ATG7: variants seen among roughly 807,000 people sequenced by gnomAD.
The protein encoded by ATG7 is autophagy related 7, also known as ubiquitin-like modifier-activating enzyme ATG7.
ATG7 carries 70 observed loss-of-function variants against 82.4 expected under a neutral mutation model. That is an observed-to-expected ratio of 0.85 (90% CI 0.70 to 1.04). The LOEUF is 1.04. Ranked by LOEUF, ATG7 falls within the 50% of genes least tolerant of loss-of-function variation. ATG7 has a pLI of 0.00. For synonymous variants in ATG7, 287 were observed against 313.0 expected, an observed-to-expected ratio of 0.92 and a Z score of 0.88; for missense variants, 792 against 864.3, an observed-to-expected ratio of 0.92 and a Z score of 1.05.
At chr3:11,565,140 C>T in the ATG7 span, 7 of 1,024,286 alleles carry the variant, frequency 6.8e-6, no homozygotes, top group Non-Finnish European at 7.8e-6. The surrounding 1 kb of genome is among the most constrained non-coding windows in gnomAD (Gnocchi z 4.1). Flanking sequence ...GGTCGTGTGG[C>T]TGGGCAGCAC....
At chr3:11,568,793 C>A in the ATG7 span, 2 of 1,447,416 alleles carry the variant, frequency 1.4e-6, no homozygotes, top group Non-Finnish European at 1.8e-6. This position sits in a 1 kb window ranked among gnomAD's most constrained non-coding sequence, Gnocchi z 5.9. Flanking sequence ...GGACTGTGCC[C>A]GAGAGAGCCC....
intron 20 of ATG7, among the ~76,000 whole-genome samples, chr3:11,476,293 T>C (rs2088203088): frequency 6.6e-6 from 1 of 152,236 alleles, no homozygotes; most frequent in South Asian, 2.1e-4. Flanking sequence ...TCTGGCTACA[T>C]ATCAGTTTGT....
chr3:11,410,330 AT>A (rs371850503), intron 19 of ATG7, among the ~76,000 whole-genome samples: 1,547 of 151,496 alleles, frequency 0.01, 14 homozygotes, highest in South Asian at 0.024. Flanking sequence ...ATGATATTGT[AT>A]TTTTTTTTAA....
At chr3:11,353,325 G>A (rs1374522470) in intron 14 of ATG7, among the ~76,000 whole-genome samples, 2 of 152,026 alleles carry the variant, frequency 1.3e-5, no homozygotes, top group African/African-American at 4.8e-5. Flanking sequence ...TGCACCTGTA[G>A]TCCCAGCTAC....
chr3:11,502,947 G>A (rs1442747229), intron 20 of ATG7, among the ~76,000 whole-genome samples: 3 of 152,114 alleles, frequency 2.0e-5, no homozygotes, highest in Non-Finnish European at 1.5e-5. Context: ...CAGGCTTTTG[G>A]ATTAGGATAC....
chr3:11,382,293 GAGAGTGCGAGCA>G (rs1042974934), intron 19 of ATG7, among the ~76,000 whole-genome samples: 1 of 152,240 alleles, frequency 6.6e-6, no homozygotes, highest in African/African-American at 2.4e-5. Context: ...TATAGAGAGA[GAGAGTGCGAGCA>G]CGCACGCACG....
At chr3:11,466,060 C>T (rs185708001) in intron 20 of ATG7, among the ~76,000 whole-genome samples, 2 of 152,248 alleles carry the variant, frequency 1.3e-5, no homozygotes, top group African/African-American at 2.4e-5. Context: ...TTTCTGGCTC[C>T]GTTTTAGAAC....
intron 16 of ATG7, among the ~76,000 whole-genome samples, chr3:11,361,236 TAA>T (rs1164371399): frequency 6.6e-6 from 1 of 151,930 alleles, no homozygotes; most frequent in Non-Finnish European, 1.5e-5. Context: ...ATTTAGTAAG[TAA>T]AAATATAGGA....
At chr3:11,469,915 G>A (rs561084502) in intron 20 of ATG7, among the ~76,000 whole-genome samples, 9 of 151,116 alleles carry the variant, frequency 6.0e-5, no homozygotes, top group African/African-American at 2.2e-4. Flanking sequence ...TCTTGAACCT[G>A]GGAGGCGGAG....
At chr3:11,357,862 A>G (rs2076030960) in intron 14 of ATG7, among the ~76,000 whole-genome samples, 1 of 152,000 alleles carries the variant, frequency 6.6e-6, no homozygotes, top group Non-Finnish European at 1.5e-5. Context: ...TTAAAAAATC[A>G]GCCAGGTGTG....
At chr3:11,341,903 G>A (rs1953704998) in intron 12 of ATG7, among the ~76,000 whole-genome samples, 1 of 152,134 alleles carries the variant, frequency 6.6e-6, no homozygotes, top group Non-Finnish European at 1.5e-5. Context: ...TTTCACCTTG[G>A]CTGCTGGAAC....
chr3:11,484,299 CA>C (rs2089361887), intron 20 of ATG7, among the ~76,000 whole-genome samples: 1 of 152,174 alleles, frequency 6.6e-6, no homozygotes, highest in African/African-American at 2.4e-5. Flanking sequence ...GAGGCTGAGG[CA>C]GGAGAATTAC....
chr3:11,564,204 CCAAG>C, the ATG7 span, among the ~76,000 whole-genome samples: 1 of 152,190 alleles, frequency 6.6e-6, no homozygotes, highest in African/African-American at 2.4e-5. Context: ...TTTGTTTCTA[CCAAG>C]CAAGCTGTGT....
chr3:11,340,606 T>C, intron 11 of ATG7, 39 bp from the exon 12 acceptor site: 2 of 1,564,390 alleles, frequency 1.3e-6, no homozygotes, highest in Non-Finnish European at 1.8e-6. Flanking sequence ...TTTTTATTCT[T>C]CCCTCCTTCA....
At chr3:11,418,881 A>G (rs941065682) in intron 19 of ATG7, among the ~76,000 whole-genome samples, 1 of 152,128 alleles carries the variant, frequency 6.6e-6, no homozygotes, top group Non-Finnish European at 1.5e-5. Flanking sequence ...CGGCAGGAGA[A>G]AGAGAGCAAA....
chr3:11,420,660 T>TA, intron 19 of ATG7, among the ~76,000 whole-genome samples: 1 of 152,238 alleles, frequency 6.6e-6, no homozygotes, highest in African/African-American at 2.4e-5. Flanking sequence ...TCTCAGTGCA[T>TA]ATAAAAGTTA....
chr3:11,275,601 G>A (rs896391431), intron 1 of ATG7, among the ~76,000 whole-genome samples: 4 of 145,158 alleles, frequency 2.8e-5, no homozygotes, highest in African/African-American at 7.8e-5. Context: ...CTCGTGATCC[G>A]CCTGCCTCAG....
At chr3:11,535,137 T>G (rs1437552410) in intron 20 of ATG7, among the ~76,000 whole-genome samples, 1 of 152,222 alleles carries the variant, frequency 6.6e-6, no homozygotes, top group African/African-American at 2.4e-5. Context: ...GAGGCTGACA[T>G]TTCTGCTGGA....
chr3:11,354,718 A>T (rs1263260604), intron 14 of ATG7, among the ~76,000 whole-genome samples: 1 of 152,062 alleles, frequency 6.6e-6, no homozygotes, highest in East Asian at 1.9e-4. Flanking sequence ...TAAAACCCAA[A>T]TCTGGACATC....
Sources: gnomAD v4.1 joint callset for allele counts (sites outside exome capture counted in the v4.1 genomes callset) on GRCh38, gnomAD v4.1.1 for gene constraint, Gnocchi (gnomAD v3.1) non-coding constraint, MANE v1.5 for transcripts, NCBI Gene and HGNC (gene_info 2026-07-23, HGNC 2026-07-21) for gene names.